Variants in RGS22 observed in about 807,000 individuals in gnomAD.
The protein encoded by RGS22 is regulator of G protein signaling 22, also known as regulator of G-protein signaling 22.
A neutral mutation model predicts 172.9 loss-of-function variants in RGS22; 148 were observed. That is an observed-to-expected ratio of 0.86 (90% CI 0.75 to 0.98). RGS22 has a LOEUF of 0.98. Among genes scored for constraint, RGS22 ranks in the 50% least tolerant of loss-of-function variants. The pLI is 0.00. For missense variants in RGS22, 1,347 were observed against 1,440.8 expected (o/e 0.93, Z 1.05); for synonymous variants, 458 against 480.2 (o/e 0.95, Z 0.60).
chr8:99,986,593 T>C (rs912249144), intron 21 of RGS22, among the ~76,000 whole-genome samples: 2 of 152,222 alleles, frequency 1.3e-5, no homozygotes, highest in Non-Finnish European at 2.9e-5. Flanking sequence ...CAACATAACA[T>C]GGAAAGTCCC....
intron 4 of RGS22, among the ~76,000 whole-genome samples, chr8:100,075,243 C>T (rs925387346): frequency 6.6e-6 from 1 of 152,024 alleles, no homozygotes; most frequent in Non-Finnish European, 1.5e-5. Flanking sequence ...GTCATGGGAG[C>T]GAATCCCTCA....
At chr8:100,063,342 C>T (rs1810291281) in intron 8 of RGS22, 74 bp downstream of exon 8, 1 of 1,074,554 alleles carries the variant, frequency 9.3e-7, no homozygotes, top group East Asian at 2.7e-5. Flanking sequence ...GGGCTTTCTC[C>T]CTGTGCTAAA....
chr8:99,999,348 G>A lies in RGS22; in HGVS notation c.2863C>T (p.Gln955Ter). 3 of 1,613,802 alleles carry A rather than the reference G, an allele frequency of 1.9e-6. No individual in the cohort carries two copies. The highest frequency in any genetic ancestry group is 2.5e-6 in the Non-Finnish European group (3 of 1,179,910). Residue 955 changes from glutamine (Q) to a stop codon, truncating the protein, a stop_gained, in exon 19 of 28, where the codon CAG becomes TAG. Coordinates refer to ENST00000360863, the MANE Select transcript of RGS22 (RefSeq NM_015668.5). LOFTEE classifies it high-confidence loss of function. ...TCTAGCCTATTTTGCACATGCTTCT[G>A]GATTTCAACTAGAACAGGTGCATCA... ...QLDAPVLVEI[Q>*]KHVQNRLENV...
intron 23 of RGS22, among the ~76,000 whole-genome samples, chr8:99,969,536 T>C (rs1183464801): frequency 1.3e-5 from 2 of 151,714 alleles, no homozygotes; most frequent in Non-Finnish European, 2.9e-5. Flanking sequence ...TGGAGGAATA[T>C]TTACCAAGCA....
At chr8:100,026,509 A>G (rs1329722748) in intron 14 of RGS22, among the ~76,000 whole-genome samples, 1 of 152,218 alleles carries the variant, frequency 6.6e-6, no homozygotes, top group Non-Finnish European at 1.5e-5. Context: ...GGTAAATAGT[A>G]GAAGTCACCA....
intron 9 of RGS22, among the ~76,000 whole-genome samples, chr8:100,060,955 G>A (rs1246830651): frequency 6.6e-6 from 1 of 152,078 alleles, no homozygotes; most frequent in Non-Finnish European, 1.5e-5. Flanking sequence ...GCATGGTACT[G>A]GTACAATAAC....
intron 2 of RGS22, among the ~76,000 whole-genome samples, chr8:100,104,937 CCT>C (rs1164500527): frequency 1.3e-4 from 20 of 152,182 alleles, no homozygotes; most frequent in Non-Finnish European, 2.5e-4. Context: ...TATTACTTCA[CCT>C]CTCTAGAAGT....
intron 3 of RGS22, among the ~76,000 whole-genome samples, chr8:100,081,635 A>G (rs1320284663): frequency 2.0e-5 from 3 of 152,030 alleles, no homozygotes; most frequent in African/African-American, 7.2e-5. Flanking sequence ...TCTTTCAAAC[A>G]TGGGATTCAA....
chr8:100,008,061 G>T (rs1475205203), intron 15 of RGS22, among the ~76,000 whole-genome samples: 1 of 144,538 alleles, frequency 6.9e-6, no homozygotes, highest in African/African-American at 2.6e-5. Context: ...TTTTTAGACC[G>T]AGTTTTGCTC....
intron 2 of RGS22, among the ~76,000 whole-genome samples, chr8:100,100,840 A>G (rs1185314119): frequency 1.3e-5 from 2 of 152,242 alleles, no homozygotes; most frequent in Non-Finnish European, 2.9e-5. Context: ...GCTTAAAGCT[A>G]AAGTTTATCT....
rs571691719 is a variant in RGS22, at chr8:100,001,445, G to A, written c.2790+757C>T. ...AGAGACAGGATTTCACCATGGCCAG[G>A]CTGGTCTCGAACTCCTGACCTCAAA... is the stretch of plus-strand genomic sequence containing the variant. On this transcript the variant is annotated intron_variant, in intron 18 of 27. Transcript: ENST00000360863. Among the ~76,000 whole-genome samples the A allele has an allele frequency of 1.7e-4, 26 of 151,836 alleles. No homozygotes were observed. The South Asian group carries it at 5.4e-3, about 32-fold the overall frequency.
At chr8:99,978,105 T>A in intron 22 of RGS22, 30 bp from the exon 23 acceptor site, 1 of 1,349,432 alleles carries the variant, frequency 7.4e-7, no homozygotes, top group Non-Finnish European at 1.0e-6. Context: ...AGATTACAAT[T>A]TTATACAAAG....
intron 3 of RGS22, chr8:100,093,149 G>A: frequency 4.2e-6 from 1 of 236,022 alleles, no homozygotes; most frequent in Non-Finnish European, 8.2e-6. Flanking sequence ...GGGCGACAGA[G>A]CAACACAATG....
chr8:100,008,397 G>C lies in RGS22; in HGVS notation c.2339C>G (p.Ser780Trp). ...TACCTTTTTATAAGCAATTTGGTCCGATTTTACCATCTTTGTCCATGGCTC... is the reference window on the plus strand; with the variant it reads ...TACCTTTTTATAAGCAATTTGGTCCCATTTTACCATCTTTGTCCATGGCTC... ...LLEPWTKMVKSDQIAYKKVEL... is the reference protein window; with the variant it reads ...LLEPWTKMVKWDQIAYKKVEL... The change falls in exon 15 of 28, where the codon TCG becomes TGG. Residue 780 changes from serine (S) to tryptophan (W), a missense_variant. Coordinates refer to ENST00000360863, the MANE Select transcript of RGS22 (RefSeq NM_015668.5). 1 of 1,610,364 alleles carries C rather than the reference G, an allele frequency of 6.2e-7. No individual in the cohort carries two copies.
intron 21 of RGS22, among the ~76,000 whole-genome samples, chr8:99,982,567 A>G (rs1401251142): frequency 6.6e-6 from 1 of 152,158 alleles, no homozygotes; most frequent in East Asian, 1.9e-4. Context: ...TATACATAGT[A>G]TCCTAGGAGA....
chr8:99,979,843 A>G (rs1812359790), intron 22 of RGS22, among the ~76,000 whole-genome samples: 1 of 152,224 alleles, frequency 6.6e-6, no homozygotes, highest in Non-Finnish European at 1.5e-5. Flanking sequence ...TTACAGTCTA[A>G]TGGGAAAGTC....
chr8:100,009,358 G>T (rs1816101626), intron 14 of RGS22, among the ~76,000 whole-genome samples: 1 of 150,956 alleles, frequency 6.6e-6, no homozygotes, highest in South Asian at 2.1e-4. Context: ...GGCAGAGATT[G>T]CGGTGGCCCA....
intron 3 of RGS22, chr8:100,080,945 T>C (rs746594698): frequency 2.0e-5 from 3 of 152,458 alleles, no homozygotes; most frequent in Admixed American, 6.5e-5. Flanking sequence ...TCAGTTGATA[T>C]ACAATAGTCA....
rs1563545632 is a variant in RGS22, at chr8:99,961,148, A to G, written c.*94T>C. ...TGCTCTGATACAGACCTTCAAAAAA[A>G]CAAATCACTGGAGCTTCTCATGTCA... On this transcript the variant is annotated 3_prime_UTR_variant, in exon 28 of 28. Coordinates refer to ENST00000360863, the MANE Select transcript of RGS22 (RefSeq NM_015668.5). 8.9e-6 allele frequency: 4 copies of G among 450,520 alleles called. No homozygotes were observed. The highest frequency in any genetic ancestry group is 7.2e-5 in the Admixed American group (3 of 41,738). The allele number at this position is 450,520 out of a possible 1,614,324, so 27.9% of individuals were successfully genotyped here. A position where few individuals can be genotyped will look rare whatever the true frequency, so the allele number is the denominator to read the frequency against.
Sources: gnomAD v4.1 joint callset for allele counts (sites outside exome capture counted in the v4.1 genomes callset) on GRCh38, gnomAD v4.1.1 for gene constraint, MANE v1.5 for transcripts, NCBI Gene and HGNC (gene_info 2026-07-23, HGNC 2026-07-21) for gene names.